Variants in ANTXR1 observed in about 807,000 individuals in gnomAD.
The protein encoded by ANTXR1 is ANTXR cell adhesion molecule 1.
In ANTXR1, 19 loss-of-function variants were observed where a neutral mutation model predicts 78.1. The observed-to-expected ratio is 0.24, with a 90% CI of 0.17 to 0.36. ANTXR1 has a LOEUF of 0.36. ANTXR1 is among the 10% of genes least tolerant of loss of function. The pLI is 1.00. For synonymous variants in ANTXR1, 273 were observed against 260.5 expected (o/e 1.05, Z -0.46); for missense variants, 518 against 718.6 (o/e 0.72, Z 3.19).
intron 17 of ANTXR1, 131 bp from the exon 18 acceptor site, chr2:69,245,094 T>C: frequency 2.0e-6 from 2 of 997,210 alleles, no homozygotes; most frequent in Non-Finnish European, 3.2e-6. Flanking sequence ...AGTTCTACTA[T>C]GTGCCACTAG....
At chr2:69,029,334 A>G (rs1671457264) in intron 1 of ANTXR1, among the ~76,000 whole-genome samples, 1 of 149,606 alleles carries the variant, frequency 6.7e-6, no homozygotes, top group South Asian at 2.1e-4. Flanking sequence ...ATATAGATAT[A>G]TACACAATAA....
chr2:69,123,763 A>G (rs1672432296), intron 11 of ANTXR1, among the ~76,000 whole-genome samples: 1 of 152,236 alleles, frequency 6.6e-6, no homozygotes, highest in Non-Finnish European at 1.5e-5. Flanking sequence ...GGGCACCCTG[A>G]GCAAGAAAAG....
chr2:69,105,330 C>T (rs1016424780), intron 10 of ANTXR1, among the ~76,000 whole-genome samples: 2 of 152,132 alleles, frequency 1.3e-5, no homozygotes, highest in African/African-American at 2.4e-5. Context: ...ATCACAAACC[C>T]GTGCCTTTAG....
At chr2:69,037,169 C>T (rs1168165253) in intron 1 of ANTXR1, among the ~76,000 whole-genome samples, 2 of 152,210 alleles carry the variant, frequency 1.3e-5, no homozygotes, top group African/African-American at 4.8e-5. Flanking sequence ...ATCTGAGTCC[C>T]AAACCCAGGC....
At chr2:69,160,817 T>C (rs1021121529) in intron 13 of ANTXR1, among the ~76,000 whole-genome samples, 5 of 152,234 alleles carry the variant, frequency 3.3e-5, no homozygotes, top group Non-Finnish European at 5.9e-5. Context: ...TGTCACTACC[T>C]GTACTCTCCC....
chr2:69,094,911 A>C (rs867593666), intron 9 of ANTXR1, among the ~76,000 whole-genome samples: 4 of 152,228 alleles, frequency 2.6e-5, no homozygotes, highest in African/African-American at 9.6e-5. Flanking sequence ...ATTAACGGTA[A>C]GATAGCAGAA....
chr2:69,144,502 A>G (rs10198416), intron 12 of ANTXR1, among the ~76,000 whole-genome samples: 54,941 of 151,966 alleles, frequency 0.36, 11,382 homozygotes, highest in African/African-American at 0.56. Context: ...AGGGGGAGAG[A>G]GAGTGGATGG....
At chr2:69,067,395 G>A (rs1433270040) in intron 3 of ANTXR1, among the ~76,000 whole-genome samples, 7 of 148,028 alleles carry the variant, frequency 4.7e-5, no homozygotes, top group Non-Finnish European at 7.4e-5. Context: ...TTATTTGGCA[G>A]GGAAAAAATA....
In ANTXR1 at chr2:69,249,104, C is replaced by A. The variant is rs1676082270; in HGVS notation, c.*3619C>A. Reference sequence around the variant, plus strand: ...CTATACCATGCTATAGGAGACTGGGCAAAACCTGTACAATGACAACCCTGG... The same window carrying A: ...CTATACCATGCTATAGGAGACTGGGAAAAACCTGTACAATGACAACCCTGG... On this transcript the variant is annotated 3_prime_UTR_variant, in exon 18 of 18. Coordinates refer to ENST00000303714, the MANE Select transcript of ANTXR1 (RefSeq NM_032208.3). 6.6e-6 allele frequency: 1 copy of A among 152,116 alleles called. No individual in the cohort carries two copies. Among genetic ancestry groups the A allele is most frequent in the South Asian group, 2.1e-4 (1 of 4,808 alleles). 9.4% of individuals were successfully genotyped at this position (152,116 alleles called of 1,614,324 possible).
At chr2:69,049,200 C>G (rs918252995) in intron 3 of ANTXR1, among the ~76,000 whole-genome samples, 2 of 152,082 alleles carry the variant, frequency 1.3e-5, no homozygotes, top group African/African-American at 4.8e-5. Flanking sequence ...TAGAAAAGAC[C>G]ATGCATGCAG....
At chr2:69,075,204 T>A (rs1670693036) in intron 6 of ANTXR1, among the ~76,000 whole-genome samples, 1 of 152,158 alleles carries the variant, frequency 6.6e-6, no homozygotes, top group East Asian at 1.9e-4. Context: ...TATATCAAGT[T>A]CCAAAGGCCC....
chr2:69,081,042 T>C (rs1670884478), intron 8 of ANTXR1, among the ~76,000 whole-genome samples: 1 of 152,198 alleles, frequency 6.6e-6, no homozygotes, highest in East Asian at 1.9e-4. Flanking sequence ...TCAATAGCAT[T>C]TCGGCCTTTG....
At chr2:69,098,564 A>G (rs1671503796) in intron 9 of ANTXR1, among the ~76,000 whole-genome samples, 1 of 152,268 alleles carries the variant, frequency 6.6e-6, no homozygotes, top group African/African-American at 2.4e-5. Context: ...CCAAAAAGAA[A>G]AAAGGAAACC....
At chr2:69,050,816 C>G (rs562069991) in intron 3 of ANTXR1, among the ~76,000 whole-genome samples, 1 of 152,004 alleles carries the variant, frequency 6.6e-6, no homozygotes, top group Non-Finnish European at 1.5e-5. Context: ...TTGTATAAAG[C>G]TATTTTCTTT....
chr2:69,148,160 G>A (rs1673279218), intron 12 of ANTXR1, among the ~76,000 whole-genome samples: 1 of 152,120 alleles, frequency 6.6e-6, no homozygotes, highest in Non-Finnish European at 1.5e-5. Flanking sequence ...AGCCACTAAG[G>A]GTTCCCCTGG....
intron 1 of ANTXR1, among the ~76,000 whole-genome samples, chr2:69,036,841 C>T (rs1035781669): frequency 6.6e-6 from 1 of 152,200 alleles, no homozygotes; most frequent in African/African-American, 2.4e-5. Context: ...CAGATCACCA[C>T]CCAGGACCCC....
intron 7 of ANTXR1, among the ~76,000 whole-genome samples, chr2:69,076,157 TG>T (rs1279895757): frequency 6.6e-6 from 1 of 152,072 alleles, no homozygotes; most frequent in Non-Finnish European, 1.5e-5. Flanking sequence ...TTTAAATTTT[TG>T]TAAAGATAAA....
At chr2:69,097,537 T>C (rs1221086283) in intron 9 of ANTXR1, among the ~76,000 whole-genome samples, 1 of 152,268 alleles carries the variant, frequency 6.6e-6, no homozygotes, top group Non-Finnish European at 1.5e-5. Flanking sequence ...CATTCATTTC[T>C]GACCTTTGGC....
intron 13 of ANTXR1, among the ~76,000 whole-genome samples, chr2:69,169,788 C>T (rs1159160964): frequency 6.6e-6 from 1 of 152,258 alleles, no homozygotes; most frequent in Non-Finnish European, 1.5e-5. Context: ...AGCTGAAGGA[C>T]TGCCAGCAGC....
Sources: allele counts gnomAD v4.1 joint callset (sites outside exome capture counted in the v4.1 genomes callset), GRCh38; gene constraint gnomAD v4.1.1; transcripts MANE v1.5; gene names NCBI Gene and HGNC (gene_info 2026-07-23, HGNC 2026-07-21).